Variants in CDK14 observed in about 807,000 individuals in gnomAD.
The protein encoded by CDK14 is cyclin dependent kinase 14.
CDK14 carries 34 observed loss-of-function variants against 60.7 expected under a neutral mutation model. The ratio of observed to expected loss-of-function variants is 0.56; its 90% CI spans 0.43 to 0.75. CDK14 has a LOEUF of 0.75. Among genes scored for constraint, CDK14 ranks in the 30% least tolerant of loss-of-function variants. CDK14 has a pLI of 0.00. For missense variants in CDK14, 482 were observed against 564.1 expected (o/e 0.85, Z 1.47); for synonymous variants, 197 against 203.7 (o/e 0.97, Z 0.28).
intron 12 of CDK14, among the ~76,000 whole-genome samples, chr7:91,092,239 C>T (rs1798852900): frequency 6.6e-6 from 1 of 152,094 alleles, no homozygotes; most frequent in South Asian, 2.1e-4. Context: ...AAAGGTTGTG[C>T]TCAGTTCCAG....
At chr7:90,808,837 C>T (rs970707209) in intron 5 of CDK14, among the ~76,000 whole-genome samples, 1 of 152,068 alleles carries the variant, frequency 6.6e-6, no homozygotes, top group Admixed American at 6.6e-5. Flanking sequence ...ATAAGACAGA[C>T]TTTAAACCAA....
intron 3 of CDK14, among the ~76,000 whole-genome samples, chr7:90,744,150 C>A (rs1005954308): frequency 4.6e-5 from 7 of 152,098 alleles, no homozygotes; most frequent in Non-Finnish European, 1.0e-4. Flanking sequence ...AGGCAGAGGA[C>A]CCTGCGGCCT....
chr7:90,929,578 A>G (rs1036022799), intron 8 of CDK14, among the ~76,000 whole-genome samples: 4 of 152,246 alleles, frequency 2.6e-5, no homozygotes, highest in Non-Finnish European at 5.9e-5. Context: ...ATAATTTAAT[A>G]AAAGGGAATC....
intron 14 of CDK14, among the ~76,000 whole-genome samples, chr7:91,165,259 A>G (rs1030787476): frequency 6.6e-6 from 1 of 152,232 alleles, no homozygotes; most frequent in Non-Finnish European, 1.5e-5. Context: ...ACCTCAGAGC[A>G]TTCAGAGTCA....
chr7:90,705,375 T>C (rs1363018565), intron 2 of CDK14, among the ~76,000 whole-genome samples: 4 of 152,104 alleles, frequency 2.6e-5, no homozygotes, highest in African/African-American at 9.7e-5. Flanking sequence ...AAAAAGTAAT[T>C]CTCTATCCCT....
chr7:90,907,755 G>T (rs1276523874), intron 7 of CDK14, among the ~76,000 whole-genome samples: 1 of 152,044 alleles, frequency 6.6e-6, no homozygotes, highest in Non-Finnish European at 1.5e-5. Context: ...AGGATAGGAG[G>T]TTTATTATGG....
chr7:90,824,877 A>G (rs1402404820), intron 5 of CDK14: 2 of 152,218 alleles, frequency 1.3e-5, no homozygotes. Context: ...AATAGACAAT[A>G]TAACTTGGAG....
intron 8 of CDK14, among the ~76,000 whole-genome samples, chr7:90,945,972 G>A (rs1794086756): frequency 6.6e-6 from 1 of 152,158 alleles, no homozygotes; most frequent in Non-Finnish European, 1.5e-5. Flanking sequence ...GCAGCTAGGA[G>A]ACCAGTTAAT....
intron 2 of CDK14, among the ~76,000 whole-genome samples, chr7:90,628,311 T>C (rs1003967858): frequency 3.9e-5 from 6 of 152,168 alleles, no homozygotes; most frequent in African/African-American, 1.2e-4. Flanking sequence ...CACCCCAAGA[T>C]AACTTTTGTT....
intron 12 of CDK14, among the ~76,000 whole-genome samples, chr7:91,111,301 G>A (rs1799462336): frequency 6.6e-6 from 1 of 152,162 alleles, no homozygotes; most frequent in Non-Finnish European, 1.5e-5. Context: ...TGGTTGAGGA[G>A]GGGAAGGAGG....
At chr7:90,825,285 C>T (rs546955663) in intron 5 of CDK14, among the ~76,000 whole-genome samples, 1 of 152,274 alleles carries the variant, frequency 6.6e-6, no homozygotes, top group Non-Finnish European at 1.5e-5. Flanking sequence ...AAGTGAGCAT[C>T]GGACTTGGTT....
intron 10 of CDK14, among the ~76,000 whole-genome samples, chr7:90,992,085 T>A (rs556852380): frequency 1.3e-5 from 2 of 152,374 alleles, no homozygotes; most frequent in South Asian, 4.1e-4. Flanking sequence ...TAGATGGATG[T>A]TCTAATAAAG....
At chr7:91,112,754 G>T in intron 13 of CDK14, 73 bp downstream of exon 13, 5 of 1,472,402 alleles carry the variant, frequency 3.4e-6, no homozygotes, top group Non-Finnish European at 1.9e-6. Context: ...TATGTAACGT[G>T]TATGCAGAGA....
chr7:90,665,257 C>T (rs1227040991), intron 2 of CDK14, among the ~76,000 whole-genome samples: 1 of 151,726 alleles, frequency 6.6e-6, no homozygotes, highest in African/African-American at 2.4e-5. Context: ...TGTACTCCAG[C>T]CCGGCAACAG....
At chr7:90,619,378 A>C (rs1368989473) in intron 2 of CDK14, among the ~76,000 whole-genome samples, 1 of 152,178 alleles carries the variant, frequency 6.6e-6, no homozygotes, top group Non-Finnish European at 1.5e-5. Context: ...TACAGCCTGA[A>C]AACTCAAAGA....
intron 2 of CDK14, among the ~76,000 whole-genome samples, chr7:90,674,534 A>G (rs901695659): frequency 6.6e-6 from 1 of 152,224 alleles, no homozygotes; most frequent in African/African-American, 2.4e-5. Context: ...GACGAACCTC[A>G]GTGCTTAATT....
chr7:90,960,544 A>G (rs1584170823), intron 9 of CDK14, among the ~76,000 whole-genome samples: 1 of 152,258 alleles, frequency 6.6e-6, no homozygotes, highest in East Asian at 1.9e-4. Context: ...GGTTAGAAAA[A>G]ATTTCCATAC....
chr7:91,040,475 A>G (rs1797058102), intron 10 of CDK14, among the ~76,000 whole-genome samples: 1 of 152,200 alleles, frequency 6.6e-6, no homozygotes. Flanking sequence ...TATTTTAGAG[A>G]TGTTATATGT....
Position 90,744,743 on chromosome 7 carries a change from C to T in CDK14, c.370-2938C>T, listed in dbSNP as rs1311979751. On this transcript the variant is annotated intron_variant, in intron 3 of 14. Coordinates refer to ENST00000380050, the MANE Select transcript of CDK14 (RefSeq NM_001287135.2). ...GCAGAGGCGCCCCTCACCTCCCGGA[C>T]GGGGCGGCTGGCCGGGCAGGGGGCT... 1.5e-3 allele frequency among the ~76,000 whole-genome samples: 193 copies of T among 125,722 alleles called. 20 individuals carry two copies. Among genetic ancestry groups the T allele is most frequent in the Admixed American group, 2.7e-3 (36 of 13,390 alleles). 82.5% of individuals were successfully genotyped at this position (125,722 alleles called of 152,430 possible).
Sources: gnomAD v4.1 joint callset for allele counts (sites outside exome capture counted in the v4.1 genomes callset) on GRCh38, gnomAD v4.1.1 for gene constraint, MANE v1.5 for transcripts, NCBI Gene and HGNC (gene_info 2026-07-23, HGNC 2026-07-21) for gene names.